PHIP: variants seen among roughly 807,000 people sequenced by gnomAD.
PHIP encodes the protein PH-interacting protein.
Under a neutral mutation model 236.8 loss-of-function variants are expected in PHIP, and 54 were observed. The observed-to-expected ratio is 0.23, with a 90% CI of 0.18 to 0.29. The LOEUF (loss-of-function observed/expected upper bound fraction) is 0.29, where lower values mean the gene tolerates loss of function less well. Among genes scored for constraint, PHIP ranks in the 10% least tolerant of loss-of-function variants. The probability of loss-of-function intolerance (pLI) is 1.00; values close to 1 mark genes in which losing one functional copy is unlikely to be tolerated. For missense variants in PHIP, 1,370 were observed against 2,190.8 expected, an observed-to-expected ratio of 0.63 and a Z score of 7.48; for synonymous variants, 756 against 718.9, an observed-to-expected ratio of 1.05 and a Z score of -0.83.
Position 79,078,019 on chromosome 6 carries a change from C to T in PHIP, c.40+10G>A, listed in dbSNP as rs569815862. On this transcript the variant is annotated intron_variant, in intron 1 of 39. Transcript: ENST00000275034. The stretch of plus-strand genomic sequence containing the variant: ...CCGGTGCCAGCGGCCCCGGCAGCCC[C>T]CCGACTTACCCGATCGCAGCTCCGA... The T allele has an allele frequency of 1.2e-4, 196 of 1,608,860 alleles. 2 individuals are homozygous for T. Among genetic ancestry groups the T allele is most frequent in the South Asian group, 1.1e-3 (99 of 90,944 alleles).
intron 6 of PHIP, among the ~76,000 whole-genome samples, chr6:79,057,342 G>T (rs1056703546): frequency 3.3e-5 from 5 of 152,044 alleles, no homozygotes; most frequent in Admixed American, 3.3e-4. Flanking sequence ...ACATGAATAA[G>T]GTCTGCTGTT....
At chr6:79,011,398 A>G (rs2127738141) in intron 15 of PHIP, among the ~76,000 whole-genome samples, 1 of 151,962 alleles carries the variant, frequency 6.6e-6, no homozygotes, top group African/African-American at 2.4e-5. Flanking sequence ...TCTCCTGTTC[A>G]CTTAAAAAAG....
chr6:79,011,846 A>C (rs1033358969), intron 15 of PHIP, among the ~76,000 whole-genome samples: 7 of 151,802 alleles, frequency 4.6e-5, no homozygotes, highest in African/African-American at 1.4e-4. Context: ...AGATGGTCCC[A>C]AAATAAAGCA....
chr6:78,952,376 G>A (rs1177872952), intron 35 of PHIP, among the ~76,000 whole-genome samples: 1 of 142,548 alleles, frequency 7.0e-6, no homozygotes, highest in Non-Finnish European at 1.5e-5. Flanking sequence ...CCGAGATTGA[G>A]CCACTGCACT....
intron 4 of PHIP, among the ~76,000 whole-genome samples, chr6:79,068,475 A>G (rs1047391756): frequency 6.6e-6 from 1 of 152,108 alleles, no homozygotes; most frequent in African/African-American, 2.4e-5. Context: ...AAACAAAGCG[A>G]AATAAACAAA....
Position 78,935,535 on chromosome 6 carries a change from A to C in PHIP, c.*5158T>G. 1 of 969,392 alleles carries C rather than the reference A, an allele frequency of 1.0e-6. No individual in the cohort carries two copies. The highest frequency in any genetic ancestry group is 1.2e-6 in the Non-Finnish European group (1 of 815,380). The allele number at this position is 969,392 out of a possible 1,614,324, so 60.0% of individuals were successfully genotyped here. On this transcript the variant is annotated 3_prime_UTR_variant, in exon 40 of 40. Coordinates refer to ENST00000275034, the MANE Select transcript of PHIP (RefSeq NM_017934.7). The stretch of plus-strand genomic sequence containing the variant: ...GTATCTCTTACGAAAGTATCTGAAT[A>C]GTGAAGTATTTATCACTCATCACAG...
Position 79,002,128 on chromosome 6 carries a change from C to CA in PHIP, c.1654-5dup. 1 of 1,593,652 alleles carries CA rather than the reference C, an allele frequency of 6.3e-7. No homozygotes were observed. Among genetic ancestry groups the CA allele is most frequent in the Non-Finnish European group, 8.6e-7 (1 of 1,164,780 alleles). Reference sequence around the variant, plus strand: ...GAAAGAACATCTGATCTGCTATCTGCAAAAAGAAAAGTCCATAAAAGACTG... The same window carrying CA: ...GAAAGAACATCTGATCTGCTATCTGCAAAAAAGAAAAGTCCATAAAAGACTG... On this transcript the variant is annotated splice_region_variant and splice_polypyrimidine_tract_variant and intron_variant, in intron 16 of 39. Transcript: ENST00000275034.
At position 79,011,152 on chromosome 6, in the gene PHIP, T is replaced by G. The variant is rs372873082; in HGVS notation, c.1524+3930A>C. ...ACCTCCTGCCAATGCCAAACAAATG[T>G]GGGCTTACTAAGTTATACCCAACTA... is the stretch of plus-strand genomic sequence containing the variant. On this transcript the variant is annotated intron_variant, in intron 15 of 39. Coordinates refer to ENST00000275034, the MANE Select transcript of PHIP (RefSeq NM_017934.7). 5.4e-4 allele frequency among the ~76,000 whole-genome samples: 82 copies of G among 152,010 alleles called. 2 individuals carry two copies. In the South Asian group the frequency reaches 0.016, roughly 30 times the overall value.
In PHIP at chr6:78,982,922, T is replaced by G; in HGVS notation, c.2733A>C (p.Ser911=). 1 of 1,583,266 alleles carries G rather than the reference T, an allele frequency of 6.3e-7. No homozygotes were observed. Among genetic ancestry groups the G allele is most frequent in the Non-Finnish European group, 8.5e-7 (1 of 1,169,962 alleles). The change falls in exon 23 of 40, where the codon TCA becomes TCC. Residue 911 remains serine (S), a synonymous_variant. Transcript: ENST00000275034. ...TTTCTTTGGGCTTCTTTTTCTTTGG[T>G]GATATTGGTCCATCTTTTTCTTCAT... ...KVNEEKDGPI[S]PKKKKPKERK...
intron 12 of PHIP, 37 bp from the exon 13 acceptor site, chr6:79,016,679 C>T (rs1472266865): frequency 2.3e-6 from 3 of 1,300,454 alleles, no homozygotes; most frequent in Non-Finnish European, 3.3e-6. Flanking sequence ...AAAGAAAAAT[C>T]ATACATGCTT....
At chr6:79,073,915 T>C (rs910249180) in intron 4 of PHIP, among the ~76,000 whole-genome samples, 3 of 152,146 alleles carry the variant, frequency 2.0e-5, no homozygotes, top group African/African-American at 7.2e-5. Context: ...GCTCTAAGAA[T>C]GAAATAAAGC....
chr6:78,982,494 CTTTG>C (rs778836759), intron 23 of PHIP, among the ~76,000 whole-genome samples: 3 of 151,980 alleles, frequency 2.0e-5, no homozygotes, highest in Admixed American at 6.6e-5. Context: ...TCCTCACAGA[CTTTG>C]TTTATTTTCA....
intron 15 of PHIP, among the ~76,000 whole-genome samples, chr6:79,006,040 G>A (rs1770274701): frequency 6.6e-6 from 1 of 151,946 alleles, no homozygotes. Flanking sequence ...AATTTTCTTG[G>A]TATAAGGCAT....
At chr6:78,997,706 G>A (rs754563132) in intron 18 of PHIP, 109 bp from the exon 19 acceptor site, 500 of 861,060 alleles carry the variant, frequency 5.8e-4, no homozygotes, top group Non-Finnish European at 7.5e-4. Context: ...TTCATATTGT[G>A]GCAAAATAAT....
At chr6:78,986,441 C>T (rs1453863826) in intron 21 of PHIP, among the ~76,000 whole-genome samples, 1 of 152,182 alleles carries the variant, frequency 6.6e-6, no homozygotes, top group Non-Finnish European at 1.5e-5. Flanking sequence ...ATTCTAAGCA[C>T]TTTGTATGTA....
At position 78,972,007 on chromosome 6, in the gene PHIP, G is replaced by A. The variant is rs866453716; in HGVS notation, c.2890-1119C>T. ...GGTAAACAAAGCAGCCGGGAAGCTC[G>A]AACTGGGTGGAGCCCACCACAGCTC... On this transcript the variant is annotated intron_variant, in intron 24 of 39. Transcript: ENST00000275034. 3.3e-5 allele frequency among the ~76,000 whole-genome samples: 5 copies of A among 152,062 alleles called. No homozygotes were observed. The East Asian group carries it at 7.7e-4, about 24-fold the overall frequency.
intron 35 of PHIP, among the ~76,000 whole-genome samples, chr6:78,951,413 T>TA (rs1582092754): frequency 2.0e-5 from 3 of 152,160 alleles, no homozygotes; most frequent in Admixed American, 2.0e-4. Flanking sequence ...AATATTTGAT[T>TA]AAACTCAAAA....
intron 17 of PHIP, 142 bp from the exon 18 acceptor site, chr6:78,998,533 AG>A: frequency 5.3e-6 from 3 of 566,182 alleles, no homozygotes; most frequent in East Asian, 3.0e-5. Flanking sequence ...AAATGATGGG[AG>A]TTAAAAAAAA....
chr6:78,994,336 G>A (rs976746066), intron 19 of PHIP, among the ~76,000 whole-genome samples: 1 of 152,196 alleles, frequency 6.6e-6, no homozygotes, highest in African/African-American at 2.4e-5. Flanking sequence ...TCAGCACTTT[G>A]GGAGGCTGAA....
Sources: allele counts gnomAD v4.1 joint callset (sites outside exome capture counted in the v4.1 genomes callset), GRCh38; gene constraint gnomAD v4.1.1; transcripts MANE v1.5; gene names NCBI Gene and HGNC (gene_info 2026-07-23, HGNC 2026-07-21).